CSNK1G3: variants seen among roughly 807,000 people sequenced by gnomAD.
The protein encoded by CSNK1G3 is casein kinase 1 gamma 3, also known as casein kinase I isoform gamma-3.
A neutral mutation model predicts 64.3 loss-of-function variants in CSNK1G3; 23 were observed. The observed-to-expected ratio is 0.36, with a 90% CI of 0.26 to 0.51. The LOEUF (loss-of-function observed/expected upper bound fraction) is 0.51. CSNK1G3 is among the 20% of genes least tolerant of loss of function. The probability of loss-of-function intolerance (pLI) is 0.96; values close to 1 mark genes in which losing one functional copy is unlikely to be tolerated. For missense variants in CSNK1G3, 357 were observed against 510.5 expected (o/e 0.70, Z 2.90); for synonymous variants, 158 against 162.2 (o/e 0.97, Z 0.20).
intron 3 of CSNK1G3, 40 bp downstream of exon 3, chr5:123,553,187 G>T: frequency 1.5e-5 from 16 of 1,092,168 alleles, no homozygotes; most frequent in South Asian, 7.0e-5. Flanking sequence ...TGATTTCTTT[G>T]TTACTTTTTA....
At chr5:123,574,999 G>A (rs1190994828) in intron 5 of CSNK1G3, among the ~76,000 whole-genome samples, 2 of 152,148 alleles carry the variant, frequency 1.3e-5, no homozygotes, top group Non-Finnish European at 2.9e-5. Flanking sequence ...GTAGCCATAT[G>A]TTTACATTGC....
intron 1 of CSNK1G3, among the ~76,000 whole-genome samples, chr5:123,538,112 A>C (rs934525843): frequency 1.3e-5 from 2 of 152,184 alleles, no homozygotes; most frequent in Non-Finnish European, 1.5e-5. Flanking sequence ...ATTTTTGACT[A>C]TTACTATAAG....
chr5:123,600,771 A>G (rs1241557747), intron 10 of CSNK1G3, among the ~76,000 whole-genome samples: 2 of 152,172 alleles, frequency 1.3e-5, no homozygotes, highest in Non-Finnish European at 2.9e-5. Context: ...TCTGAAATCT[A>G]TAAGAATAAC....
At chr5:123,585,220 G>A (rs1791093845) in intron 6 of CSNK1G3, among the ~76,000 whole-genome samples, 2 of 151,962 alleles carry the variant, frequency 1.3e-5, no homozygotes, top group South Asian at 4.2e-4. Context: ...GGAAAGGATA[G>A]TTTTGCCAAG....
chr5:123,560,099 G>A (rs1365311304), intron 4 of CSNK1G3, among the ~76,000 whole-genome samples: 1 of 151,962 alleles, frequency 6.6e-6, no homozygotes. Flanking sequence ...ATATACAAAT[G>A]GCTGATGAAA....
At chr5:123,570,346 CTTT>C (rs370362447) in intron 4 of CSNK1G3, among the ~76,000 whole-genome samples, 1 of 130,550 alleles carries the variant, frequency 7.7e-6, no homozygotes. Context: ...ACAGTCCTTT[CTTT>C]TTTTTTTTTT....
intron 1 of CSNK1G3, among the ~76,000 whole-genome samples, chr5:123,519,615 G>A (rs1777747711): frequency 6.6e-6 from 1 of 152,120 alleles, no homozygotes; most frequent in Admixed American, 6.5e-5. Flanking sequence ...GGGAGAATAA[G>A]TGCATTGAGG....
intron 12 of CSNK1G3, among the ~76,000 whole-genome samples, chr5:123,612,082 T>G (rs191990551): frequency 6.6e-6 from 1 of 152,232 alleles, no homozygotes; most frequent in African/African-American, 2.4e-5. Context: ...GACTGGGTAA[T>G]CCATTTCAGT....
intron 2 of CSNK1G3, 51 bp from the exon 3 acceptor site, chr5:123,553,056 T>TATC: frequency 2.0e-6 from 2 of 997,388 alleles, no homozygotes; most frequent in Non-Finnish European, 2.9e-6. Context: ...TTATATAATG[T>TATC]ATCTTTAAAA....
chr5:123,592,788 T>G (rs951125911), intron 10 of CSNK1G3, among the ~76,000 whole-genome samples: 2 of 151,778 alleles, frequency 1.3e-5, no homozygotes, highest in African/African-American at 4.8e-5. Flanking sequence ...TAATATTAAA[T>G]TTTTGACTTA....
intron 2 of CSNK1G3, among the ~76,000 whole-genome samples, chr5:123,552,041 T>G (rs921780312): frequency 6.6e-6 from 1 of 152,212 alleles, no homozygotes; most frequent in Non-Finnish European, 1.5e-5. Context: ...GTGCTAAAGA[T>G]TACTGTAATT....
chr5:123,613,411 A>G (rs544894998), intron 12 of CSNK1G3, among the ~76,000 whole-genome samples: 59 of 148,808 alleles, frequency 4.0e-4, no homozygotes, highest in Admixed American at 6.0e-4. Flanking sequence ...TGTCCAGTGC[A>G]TGTGTGTGTG....
chr5:123,541,219 G>A (rs1367279868), intron 1 of CSNK1G3, among the ~76,000 whole-genome samples: 1 of 151,826 alleles, frequency 6.6e-6, no homozygotes, highest in Non-Finnish European at 1.5e-5. Context: ...GCCTCGTTTT[G>A]CTCATTCATA....
intron 1 of CSNK1G3, among the ~76,000 whole-genome samples, chr5:123,543,157 GTCTT>G (rs753496694): frequency 2.0e-5 from 3 of 151,928 alleles, no homozygotes; most frequent in Non-Finnish European, 4.4e-5. Context: ...CTGGCTTTTT[GTCTT>G]TTTGAGACTT....
chr5:123,577,761 C>T (rs1789471454), intron 6 of CSNK1G3, among the ~76,000 whole-genome samples: 1 of 151,416 alleles, frequency 6.6e-6, no homozygotes, highest in African/African-American at 2.4e-5. Flanking sequence ...GTAAAATATA[C>T]AACATTTGAT....
At chr5:123,608,071 A>AG (rs1268761576) in intron 12 of CSNK1G3, among the ~76,000 whole-genome samples, 1 of 152,108 alleles carries the variant, frequency 6.6e-6, no homozygotes, top group Non-Finnish European at 1.5e-5. Context: ...GTGGGACTAT[A>AG]GGTGCACACC....
chr5:123,549,522 G>A (rs955641409), intron 2 of CSNK1G3, among the ~76,000 whole-genome samples: 22 of 152,140 alleles, frequency 1.4e-4, no homozygotes, highest in African/African-American at 5.3e-4. Context: ...CAGGTACCTG[G>A]AAGCTAGAGA....
chr5:123,523,142 A>ACCT (rs1778428515), intron 1 of CSNK1G3, among the ~76,000 whole-genome samples: 2 of 90,660 alleles, frequency 2.2e-5, no homozygotes, highest in Admixed American at 1.0e-4. Context: ...GTATAACTGC[A>ACCT]CTTCTGCTTT....
rs139449978 is a variant in CSNK1G3 at position 123,534,109 on chromosome 5, G to A, written c.-247-11308G>A. 3.8e-3 allele frequency among the ~76,000 whole-genome samples: 575 copies of A among 152,110 alleles called. 4 individuals carry two copies. The highest frequency in any genetic ancestry group is 0.013 in the African/African-American group (530 of 41,500). Reference sequence around the variant, plus strand: ...TTAACTGTCCTAGGTGTCAGGCAGTGTGCTAGGTTCAGGGATCATAAAGTT... The same window carrying A: ...TTAACTGTCCTAGGTGTCAGGCAGTATGCTAGGTTCAGGGATCATAAAGTT... On this transcript the variant is annotated intron_variant, in intron 1 of 12. Transcript: ENST00000345990.
Sources: allele counts gnomAD v4.1 joint callset (sites outside exome capture counted in the v4.1 genomes callset), GRCh38; gene constraint gnomAD v4.1.1; transcripts MANE v1.5; gene names NCBI Gene and HGNC (gene_info 2026-07-23, HGNC 2026-07-21).